Variants in THADA observed in about 807,000 individuals in gnomAD.
THADA encodes the protein THADA armadillo repeat containing, also known as tRNA (32-2'-O)-methyltransferase regulator THADA.
Under a neutral mutation model 219.8 loss-of-function variants are expected in THADA, and 213 were observed. The observed-to-expected ratio is 0.97, with a 90% confidence interval of 0.87 to 1.09. THADA has a LOEUF of 1.09. Among genes scored for constraint, THADA ranks in the 50% least tolerant of loss-of-function variants. The pLI, the probability that THADA is intolerant of heterozygous loss-of-function variation, is 0.00. For missense variants in THADA, 2,956 were observed against 2,311.3 expected, an observed-to-expected ratio of 1.28 and a Z score of -5.72; for synonymous variants, 1,018 against 828.9, an observed-to-expected ratio of 1.23 and a Z score of -3.92.
At chr2:43,465,098 C>T (rs536530057) in intron 26 of THADA, among the ~76,000 whole-genome samples, 1 of 152,176 alleles carries the variant, frequency 6.6e-6, no homozygotes, top group Admixed American at 6.5e-5. Flanking sequence ...CTTGATTTGG[C>T]AGTTTCACAT....
intron 29 of THADA, among the ~76,000 whole-genome samples, chr2:43,394,470 T>G (rs935161165): frequency 6.6e-5 from 10 of 152,236 alleles, no homozygotes; most frequent in Admixed American, 1.3e-4. Flanking sequence ...TATGAAATGA[T>G]TTCCTGCTTT....
At chr2:43,517,145 G>A (rs1416850583) in intron 22 of THADA, among the ~76,000 whole-genome samples, 1 of 152,112 alleles carries the variant, frequency 6.6e-6, no homozygotes, top group Non-Finnish European at 1.5e-5. Context: ...CCACTCAGTA[G>A]ATAACCTTTT....
intron 31 of THADA, among the ~76,000 whole-genome samples, chr2:43,316,387 A>G (rs1246886820): frequency 1.3e-5 from 2 of 152,238 alleles, no homozygotes; most frequent in African/African-American, 4.8e-5. Flanking sequence ...TGATGAATGA[A>G]AAAATAAATA....
intron 30 of THADA, among the ~76,000 whole-genome samples, chr2:43,331,855 A>G (rs776285410): frequency 6.6e-6 from 1 of 151,674 alleles, no homozygotes; most frequent in Non-Finnish European, 1.5e-5. Context: ...CACTGTCTAA[A>G]TTTTCATTTA....
intron 31 of THADA, among the ~76,000 whole-genome samples, chr2:43,302,953 A>G (rs1676434037): frequency 6.6e-6 from 1 of 151,922 alleles, no homozygotes; most frequent in African/African-American, 2.4e-5. Context: ...AAGAAACTAA[A>G]AAAAACTAAA....
intron 28 of THADA, among the ~76,000 whole-genome samples, chr2:43,401,933 TTTG>T (rs1201466163): frequency 2.0e-5 from 3 of 147,658 alleles, no homozygotes; most frequent in East Asian, 1.9e-4. Context: ...TGAGTGGTTT[TTTG>T]TTGTTTTTTT....
Position 43,428,097 on chromosome 2 carries a change from T to A in THADA, c.4058+3A>T, listed in dbSNP as rs1306106238. 6.2e-7 allele frequency: 1 copy of A among 1,604,776 alleles called. No individual in the cohort carries two copies. On this transcript the variant is annotated splice_donor_region_variant and intron_variant, in intron 28 of 37. Transcript: ENST00000405975. Reference sequence around the variant, plus strand: ...AGACAATTTCTACACAGCATGACACTACCTCATAATGAAGGGAACAAAAGG... The same window carrying A: ...AGACAATTTCTACACAGCATGACACAACCTCATAATGAAGGGAACAAAAGG...
chr2:43,475,155 A>G (rs1685360060), intron 26 of THADA, among the ~76,000 whole-genome samples: 1 of 152,138 alleles, frequency 6.6e-6, no homozygotes, highest in Admixed American at 6.5e-5. Context: ...GGTGGCTCAC[A>G]CCTGTAATCC....
At chr2:43,291,924 G>T in intron 33 of THADA, 156 bp from the exon 34 acceptor site, 1 of 771,354 alleles carries the variant, frequency 1.3e-6, no homozygotes, top group Non-Finnish European at 2.1e-6. Context: ...ATTACCTTTT[G>T]GTTATTAATG....
At chr2:43,472,427 A>C (rs1359188027) in intron 26 of THADA, among the ~76,000 whole-genome samples, 1 of 152,262 alleles carries the variant, frequency 6.6e-6, no homozygotes. Flanking sequence ...CTATGCTACT[A>C]TAATATTGAT....
rs1678553108 is a variant in THADA at position 43,320,328 on chromosome 2, T to C, written c.4438+118A>G. ...TATATGACACTGTTTAATTTTGATG[T>C]GTGGTTAGTCTTACAAAAGTAGAAG... On this transcript the variant is annotated intron_variant, in intron 31 of 37. Coordinates refer to ENST00000405975, the MANE Select transcript of THADA (RefSeq NM_022065.5). 3 of 661,668 alleles carry C rather than the reference T, an allele frequency of 4.5e-6. No individual in the cohort carries two copies. In the Admixed American group the frequency reaches 8.8e-5, roughly 20 times the overall value. 41.0% of individuals were successfully genotyped at this position (661,668 alleles called of 1,614,324 possible). A position where few individuals can be genotyped will look rare whatever the true frequency, so the allele number is the denominator to read the frequency against.
chr2:43,232,597 T>C (rs1412067778), intron 37 of THADA, 116 bp downstream of exon 37: 6 of 1,152,694 alleles, frequency 5.2e-6, no homozygotes, highest in Non-Finnish European at 7.4e-6. Context: ...ACTTTCCTAG[T>C]GGTTCCTGCT....
At chr2:43,493,563 G>A (rs745492229) in intron 25 of THADA, among the ~76,000 whole-genome samples, 5 of 152,068 alleles carry the variant, frequency 3.3e-5, no homozygotes, top group African/African-American at 7.2e-5. Flanking sequence ...TTTTTTGGGC[G>A]GGCTCCACTG....
At chr2:43,320,584 C>A in intron 30 of THADA, 44 bp from the exon 31 acceptor site, 1 of 1,488,438 alleles carries the variant, frequency 6.7e-7, no homozygotes, top group Non-Finnish European at 9.3e-7. Flanking sequence ...TTTTCTCTCC[C>A]TTAGGTCTGG....
In THADA at chr2:43,552,348, A is replaced by G; in HGVS notation, c.2675-9T>C. 6.3e-7 allele frequency: 1 copy of G among 1,581,488 alleles called. No individual in the cohort carries two copies. On this transcript the variant is annotated splice_polypyrimidine_tract_variant and intron_variant, in intron 17 of 37. Transcript: ENST00000405975. ...CATCAAGCATTTGATAACTAGAAAA[A>G]GCAAACAGAAAATCAAAGTAATGTC...
intron 29 of THADA, among the ~76,000 whole-genome samples, chr2:43,359,268 C>A (rs1294494367): frequency 8.5e-5 from 13 of 152,194 alleles, no homozygotes; most frequent in African/African-American, 2.7e-4. Context: ...ATCTTGAGCC[C>A]CATTTCCTAA....
chr2:43,530,251 T>C (rs1693696919), intron 21 of THADA, among the ~76,000 whole-genome samples: 1 of 152,232 alleles, frequency 6.6e-6, no homozygotes, highest in Non-Finnish European at 1.5e-5. Flanking sequence ...GATTTTAGTA[T>C]CTTTTAAAGA....
At chr2:43,363,929 T>TA (rs1303651289) in intron 29 of THADA, among the ~76,000 whole-genome samples, 5 of 151,894 alleles carry the variant, frequency 3.3e-5, no homozygotes, top group Admixed American at 3.3e-4. Flanking sequence ...TCTATAAAAA[T>TA]AAAAAAATTA....
intron 21 of THADA, among the ~76,000 whole-genome samples, chr2:43,535,074 G>T (rs1485518514): frequency 6.7e-6 from 1 of 148,200 alleles, no homozygotes; most frequent in African/African-American, 2.5e-5. Flanking sequence ...TTGTGGTTTT[G>T]ATTTGCATTT....
Sources: gnomAD v4.1 joint callset for allele counts (sites outside exome capture counted in the v4.1 genomes callset) on GRCh38, gnomAD v4.1.1 for gene constraint, MANE v1.5 for transcripts, NCBI Gene and HGNC (gene_info 2026-07-23, HGNC 2026-07-21) for gene names.